AGTPBP1: variants seen among roughly 807,000 people sequenced by gnomAD.
AGTPBP1 encodes ATP/GTP binding carboxypeptidase 1, also known as cytosolic carboxypeptidase 1.
Under a neutral mutation model 143.9 loss-of-function variants are expected in AGTPBP1, and 70 were observed. That is an observed-to-expected ratio of 0.49 (90% CI 0.40 to 0.59). The LOEUF (loss-of-function observed/expected upper bound fraction) is 0.59. Among genes scored for constraint, AGTPBP1 ranks in the 20% least tolerant of loss-of-function variants. The pLI is 0.00. For synonymous variants in AGTPBP1, 463 were observed against 500.2 expected, an observed-to-expected ratio of 0.93 and a Z score of 0.99; for missense variants, 1,229 against 1,464.5, an observed-to-expected ratio of 0.84 and a Z score of 2.62.
At position 85,574,421 on chromosome 9, in the gene AGTPBP1, G is replaced by GGAGGGAA. The variant is rs1827759411; in HGVS notation, c.3503+893_3503+894insTTCCCTC. 4.2e-5 allele frequency among the ~76,000 whole-genome samples: 6 copies of GGAGGGAA among 142,568 alleles called. No homozygotes were observed. The Admixed American group carries it at 4.4e-4, about 11-fold the overall frequency. 93.5% of individuals were successfully genotyped at this position (142,568 alleles called of 152,430 possible). A position where few individuals can be genotyped will look rare whatever the true frequency, so the allele number is the denominator to read the frequency against. On this transcript the variant is annotated intron_variant, in intron 25 of 25. Transcript: ENST00000357081. ...GACCTTCCCTCCACTATTGTCCTAT[G>GGAGGGAA]ACCCTGCCAAATCCCCCCTGCGAGA...
At chr9:85,795,216 A>G in the AGTPBP1 span, among the ~76,000 whole-genome samples, 1 of 152,366 alleles carries the variant, frequency 6.6e-6, no homozygotes, top group African/African-American at 2.4e-5. Context: ...AGTCTATAGT[A>G]TGAGATCTTT....
intron 1 of AGTPBP1, among the ~76,000 whole-genome samples, chr9:85,721,309 T>A (rs542291071): frequency 1.3e-5 from 2 of 152,232 alleles, no homozygotes; most frequent in South Asian, 2.1e-4. Context: ...GTCTCTTTGT[T>A]GGTCTCTAAG....
intron 3 of AGTPBP1, among the ~76,000 whole-genome samples, chr9:85,689,663 G>C (rs1835713214): frequency 6.6e-6 from 1 of 151,846 alleles, no homozygotes; most frequent in South Asian, 2.1e-4. Context: ...GGGAGGCCGA[G>C]ACCGGCAGAT....
chr9:85,579,852 T>C (rs577303403), intron 23 of AGTPBP1, among the ~76,000 whole-genome samples: 2 of 150,894 alleles, frequency 1.3e-5, no homozygotes, highest in Admixed American at 6.7e-5. Context: ...AAGTCACTCT[T>C]CATTAAATTA....
chr9:85,563,881 G>A (rs1305233184), intron 25 of AGTPBP1, among the ~76,000 whole-genome samples: 2 of 152,246 alleles, frequency 1.3e-5, no homozygotes, highest in Non-Finnish European at 2.9e-5. Context: ...ACAAGGTGAG[G>A]CTCTGGAAGG....
chr9:85,737,694 T>C (rs1704139625), intron 1 of AGTPBP1, among the ~76,000 whole-genome samples: 1 of 152,230 alleles, frequency 6.6e-6, no homozygotes, highest in Non-Finnish European at 1.5e-5. Flanking sequence ...GGAATGAGTA[T>C]AAGACCCATT....
chr9:85,668,422 C>T (rs939260090), intron 8 of AGTPBP1, among the ~76,000 whole-genome samples: 1 of 151,038 alleles, frequency 6.6e-6, no homozygotes, highest in Non-Finnish European at 1.5e-5. Context: ...ATGATCATGC[C>T]ACTGCACTCC....
At chr9:85,676,588 A>G (rs1322801570) in intron 6 of AGTPBP1, among the ~76,000 whole-genome samples, 1 of 152,106 alleles carries the variant, frequency 6.6e-6, no homozygotes, top group East Asian at 1.9e-4. Context: ...CACACACTGC[A>G]AAAATCTAAG....
the AGTPBP1 span, among the ~76,000 whole-genome samples, chr9:85,794,881 T>C: frequency 6.6e-6 from 1 of 152,206 alleles, no homozygotes; most frequent in Non-Finnish European, 1.5e-5. Context: ...TTCTTTTTGA[T>C]GCTACTGTAA....
At position 85,741,925 on chromosome 9, in the gene AGTPBP1, G is replaced by A. The variant is rs1461818057; in HGVS notation, c.-184C>T. On this transcript the variant is annotated 5_prime_UTR_variant, in exon 1 of 26. Transcript: ENST00000357081. ...GGCGGAGGCGGCGGCGGCGGCAGCT[G>A]CGGCGGCGGCGCTGGAGGCGGCGGA... 6 of 1,316,580 alleles carry A rather than the reference G, an allele frequency of 4.6e-6. No homozygotes were observed. Among genetic ancestry groups the A allele is most frequent in the South Asian group, 2.1e-5 (1 of 47,736 alleles). The allele number at this position is 1,316,580 out of a possible 1,614,324, so 81.6% of individuals were successfully genotyped here. A position where few individuals can be genotyped will look rare whatever the true frequency, so the allele number is the denominator to read the frequency against.
chr9:85,626,366 G>A (rs1376256028), intron 14 of AGTPBP1, among the ~76,000 whole-genome samples: 1 of 152,174 alleles, frequency 6.6e-6, no homozygotes, highest in Non-Finnish European at 1.5e-5. Flanking sequence ...CTGAAATCAT[G>A]TAAAGGAGTC....
At chr9:85,759,867 G>T in the AGTPBP1 span, among the ~76,000 whole-genome samples, 2 of 152,040 alleles carry the variant, frequency 1.3e-5, no homozygotes, top group African/African-American at 2.4e-5. Flanking sequence ...CTGACAGACC[G>T]CTGGCAAGAC....
chr9:85,618,875 C>T (rs1830746469), intron 17 of AGTPBP1, 108 bp downstream of exon 17: 1 of 1,210,578 alleles, frequency 8.3e-7, no homozygotes, highest in Non-Finnish European at 1.1e-6. Context: ...CTAGAGAAAA[C>T]AAGACACTGA....
intron 13 of AGTPBP1, among the ~76,000 whole-genome samples, chr9:85,639,705 T>C (rs976135722): frequency 3.3e-5 from 5 of 152,108 alleles, no homozygotes; most frequent in African/African-American, 1.2e-4. Context: ...CAAAAGTCCA[T>C]AGTAAATGCC....
At chr9:85,730,293 G>A (rs191457812) in intron 1 of AGTPBP1, among the ~76,000 whole-genome samples, 78 of 152,148 alleles carry the variant, frequency 5.1e-4, no homozygotes, top group Non-Finnish European at 6.6e-4. Context: ...CTCCCAATTC[G>A]CCCTTTTTGT....
chr9:85,590,899 T>C (rs994437436), intron 19 of AGTPBP1, among the ~76,000 whole-genome samples: 1 of 152,146 alleles, frequency 6.6e-6, no homozygotes, highest in African/African-American at 2.4e-5. Context: ...TAGACAGGTC[T>C]TTCCAAAAGC....
intron 12 of AGTPBP1, 45 bp from the exon 13 acceptor site, chr9:85,642,988 T>C: frequency 7.5e-7 from 1 of 1,328,422 alleles, no homozygotes; most frequent in Non-Finnish European, 1.1e-6. Flanking sequence ...ACAAAATTTT[T>C]AAAAATTACA....
chr9:85,554,883 A>G (rs1165317540), intron 25 of AGTPBP1, among the ~76,000 whole-genome samples: 1 of 152,210 alleles, frequency 6.6e-6, no homozygotes, highest in African/African-American at 2.4e-5. Context: ...ATTTAAAGAG[A>G]ATCAAATGGA....
intron 22 of AGTPBP1, among the ~76,000 whole-genome samples, chr9:85,586,219 A>T (rs529845782): frequency 6.6e-6 from 1 of 152,058 alleles, no homozygotes; most frequent in South Asian, 2.1e-4. Context: ...AAAAAAAAAA[A>T]AATTAAAAAC....
Sources: allele counts gnomAD v4.1 joint callset (sites outside exome capture counted in the v4.1 genomes callset), GRCh38; gene constraint gnomAD v4.1.1; transcripts MANE v1.5; gene names NCBI Gene and HGNC (gene_info 2026-07-23, HGNC 2026-07-21).